The following ALCAM variants were observed in gnomAD, a reference collection of about 807,000 sequenced individuals.
The protein encoded by ALCAM is CD166 antigen.
ALCAM carries 30 observed loss-of-function variants against 70.9 expected under a neutral mutation model. The observed-to-expected ratio is 0.42, with a 90% CI of 0.32 to 0.57. The LOEUF is 0.57. Ranked by LOEUF, ALCAM falls within the 20% of genes least tolerant of loss-of-function variation. The pLI, the probability that ALCAM is intolerant of heterozygous loss-of-function variation, is 0.11. For synonymous variants in ALCAM, 249 were observed against 242.5 expected, an observed-to-expected ratio of 1.03 and a Z score of -0.25; for missense variants, 591 against 695.1, an observed-to-expected ratio of 0.85 and a Z score of 1.68.
chr3:105,562,297 C>A (rs1238874324), intron 14 of ALCAM, among the ~76,000 whole-genome samples: 2 of 152,196 alleles, frequency 1.3e-5, no homozygotes, highest in African/African-American at 4.8e-5. Context: ...TACAAAGTAT[C>A]CTTTATCAGG....
At chr3:105,568,009 A>G (rs147530945) in intron 14 of ALCAM, among the ~76,000 whole-genome samples, 3 of 151,580 alleles carry the variant, frequency 2.0e-5, no homozygotes. Context: ...TGTCTGTCTT[A>G]GGATGAATGT....
At chr3:105,404,378 G>T (rs1456491176) in intron 1 of ALCAM, among the ~76,000 whole-genome samples, 2 of 152,116 alleles carry the variant, frequency 1.3e-5, no homozygotes, top group Non-Finnish European at 2.9e-5. Context: ...CAGATTAACA[G>T]CACATTTCTC....
intron 1 of ALCAM, among the ~76,000 whole-genome samples, chr3:105,395,313 G>A (rs1021538143): frequency 1.3e-5 from 2 of 152,052 alleles, no homozygotes; most frequent in South Asian, 2.1e-4. Context: ...TTCATACAGT[G>A]TCACTGTAAT....
chr3:105,423,003 T>C (rs1243316031), intron 1 of ALCAM, among the ~76,000 whole-genome samples: 2 of 151,616 alleles, frequency 1.3e-5, no homozygotes, highest in African/African-American at 2.4e-5. Flanking sequence ...TTTACTGGAA[T>C]CTTCTAATGT....
At chr3:105,572,085 G>GT in intron 15 of ALCAM, 121 bp downstream of exon 15, 1 of 591,060 alleles carries the variant, frequency 1.7e-6, no homozygotes, top group African/African-American at 1.9e-5. Context: ...GGAAGAGAGG[G>GT]GTTTTTTTTC....
At position 105,532,043 on chromosome 3, in the gene ALCAM, C is replaced by G. The variant is rs1939853044; in HGVS notation, c.436C>G (p.Leu146Val). The change falls in exon 4 of 16, where the codon CTC (leucine) becomes GTC (valine). Residue 146 changes from leucine (L) to valine (V), a missense_variant. This residue lies in a region of ALCAM where 427 missense variants were observed against 450.4 expected (regional missense o/e 0.95). Coordinates refer to ENST00000306107, the MANE Select transcript of ALCAM (RefSeq NM_001627.4). ...TGAAATTGTAAGCAAAGCACTGTTT[C>G]TCGAAACAGAGCAGCTAAAAAAGGT... ...KPEIVSKALFLETEQLKKLGD... is the reference protein window; with the variant it reads ...KPEIVSKALFVETEQLKKLGD... 1.9e-6 allele frequency: 3 copies of G among 1,613,284 alleles called. No homozygotes were observed. The Admixed American group carries it at 5.0e-5, about 27-fold the overall frequency.
intron 1 of ALCAM, among the ~76,000 whole-genome samples, chr3:105,406,646 AAAAC>A (rs1936239284): frequency 6.6e-6 from 1 of 152,176 alleles, no homozygotes; most frequent in Non-Finnish European, 1.5e-5. Context: ...TGGAGGAACA[AAAAC>A]AATCCAAATT....
intron 1 of ALCAM, among the ~76,000 whole-genome samples, chr3:105,518,176 T>C (rs976325280): frequency 1.3e-5 from 2 of 152,108 alleles, no homozygotes; most frequent in Non-Finnish European, 2.9e-5. Flanking sequence ...CTCTGTAAAC[T>C]GTTTTCACTC....
At chr3:105,434,341 T>C (rs1186174966) in intron 1 of ALCAM, among the ~76,000 whole-genome samples, 1 of 152,144 alleles carries the variant, frequency 6.6e-6, no homozygotes, top group Non-Finnish European at 1.5e-5. Context: ...GGGGGAAATT[T>C]CAAATACATA....
intron 3 of ALCAM, 33 bp downstream of exon 3, chr3:105,524,541 G>A: frequency 6.2e-7 from 1 of 1,612,614 alleles, no homozygotes; most frequent in Non-Finnish European, 8.5e-7. Flanking sequence ...ACTGCTAAGT[G>A]GGATTGATGG....
intron 1 of ALCAM, among the ~76,000 whole-genome samples, chr3:105,408,696 A>G (rs1479300595): frequency 7.2e-5 from 11 of 152,180 alleles, no homozygotes. Context: ...AAAGGTAAAT[A>G]GTTGGTACTT....
intron 6 of ALCAM, among the ~76,000 whole-genome samples, chr3:105,537,911 A>C (rs1940013276): frequency 6.6e-6 from 1 of 152,146 alleles, no homozygotes; most frequent in African/African-American, 2.4e-5. Context: ...AGGATAAATA[A>C]ATACATGAAA....
At chr3:105,572,965 A>G (rs1940887812) in intron 15 of ALCAM, among the ~76,000 whole-genome samples, 1 of 152,230 alleles carries the variant, frequency 6.6e-6, no homozygotes, top group Admixed American at 6.5e-5. Flanking sequence ...GGGTTCAGTA[A>G]GAACAGATTC....
intron 1 of ALCAM, among the ~76,000 whole-genome samples, chr3:105,465,640 G>T (rs1937696625): frequency 6.6e-6 from 1 of 151,240 alleles, no homozygotes; most frequent in African/African-American, 2.4e-5. Flanking sequence ...TTGTTTACTT[G>T]AATCTATCAA....
At chr3:105,544,915 A>ATTTTT in intron 8 of ALCAM, 8 of 275,460 alleles carry the variant, frequency 2.9e-5, no homozygotes, top group Non-Finnish European at 3.6e-5. Flanking sequence ...GTGACTTAAG[A>ATTTTT]TTTTTTTTTC....
chr3:105,570,752 A>C (rs2152636162), intron 14 of ALCAM, among the ~76,000 whole-genome samples: 2 of 152,334 alleles, frequency 1.3e-5, no homozygotes, highest in Middle Eastern at 3.4e-3. Context: ...CACAAACTTA[A>C]GGTTGAGTTT....
intron 1 of ALCAM, among the ~76,000 whole-genome samples, chr3:105,381,545 G>A (rs1418953715): frequency 6.6e-6 from 1 of 151,874 alleles, no homozygotes; most frequent in East Asian, 1.9e-4. Flanking sequence ...AAACATCATT[G>A]CATTGCAATC....
intron 1 of ALCAM, among the ~76,000 whole-genome samples, chr3:105,395,185 C>T (rs1441597287): frequency 6.6e-6 from 1 of 151,422 alleles, no homozygotes; most frequent in Non-Finnish European, 1.5e-5. Context: ...AATTTTTTGG[C>T]AGTTATTTTG....
At chr3:105,526,936 G>T (rs1287861718) in intron 3 of ALCAM, among the ~76,000 whole-genome samples, 3 of 152,112 alleles carry the variant, frequency 2.0e-5, no homozygotes, top group African/African-American at 7.2e-5. Context: ...CTCAGATCAG[G>T]CTGCTGCTGA....
Sources: allele counts gnomAD v4.1 joint callset (sites outside exome capture counted in the v4.1 genomes callset), GRCh38; gene constraint gnomAD v4.1.1; regional missense constraint gnomAD v4.1.1; transcripts MANE v1.5; gene names NCBI Gene and HGNC (gene_info 2026-07-23, HGNC 2026-07-21).